Variants in DIP2C observed in about 807,000 individuals in gnomAD.
The protein encoded by DIP2C is DIP2 acetate--CoA ligase C (putative), also known as disco-interacting protein 2 homolog C.
DIP2C carries 33 observed loss-of-function variants against 192.4 expected under a neutral mutation model. The ratio of observed to expected loss-of-function variants is 0.17; its 90% CI spans 0.13 to 0.23. The LOEUF (loss-of-function observed/expected upper bound fraction) is 0.23, where lower values mean the gene tolerates loss of function less well. Among genes scored for constraint, DIP2C ranks in the 10% least tolerant of loss-of-function variants. DIP2C has a pLI of 1.00. For synonymous variants in DIP2C, 979 were observed against 864.1 expected (o/e 1.13, Z -2.33); for missense variants, 1,537 against 2,110.1 (o/e 0.73, Z 5.32).
chr10:292,673 G>T (rs374443396), intron 32 of DIP2C, among the ~76,000 whole-genome samples: 2 of 152,232 alleles, frequency 1.3e-5, no homozygotes, highest in African/African-American at 4.8e-5. Flanking sequence ...TTCTTCATTC[G>T]TGCCTCCTGG....
intron 3 of DIP2C, among the ~76,000 whole-genome samples, chr10:449,920 C>CAACAAAAAAAAAAAAAAAAAAAAA (rs1408389732): frequency 1.5e-5 from 2 of 135,900 alleles, no homozygotes; most frequent in Admixed American, 7.1e-5. Context: ...TCAACAACAA[C>CAACAAAAAAAAAAAAAAAAAAAAA]AAAAAAAAAA....
chr10:543,598 T>G (rs1479588177), intron 1 of DIP2C, among the ~76,000 whole-genome samples: 2 of 152,244 alleles, frequency 1.3e-5, no homozygotes, highest in Non-Finnish European at 2.9e-5. Flanking sequence ...TGGATCGTTG[T>G]GTCTCCTAGG....
intron 31 of DIP2C, among the ~76,000 whole-genome samples, chr10:318,760 T>A (rs1956879858): frequency 6.6e-6 from 1 of 152,100 alleles, no homozygotes; most frequent in South Asian, 2.1e-4. Flanking sequence ...GCTTTCAAAA[T>A]CCCCAACAGC....
chr10:592,681 A>G (rs981576763), intron 1 of DIP2C, among the ~76,000 whole-genome samples: 1 of 152,174 alleles, frequency 6.6e-6, no homozygotes, highest in Non-Finnish European at 1.5e-5. Context: ...TGACAACACT[A>G]TTTTTAATTC....
Position 601,095 on chromosome 10 carries a change from T to C in DIP2C, c.85+88399A>G, listed in dbSNP as rs140898374. Among the ~76,000 whole-genome samples, 358 of 152,286 alleles carry C rather than the reference T, an allele frequency of 2.4e-3. 3 individuals carry two copies. The highest frequency in any genetic ancestry group is 8.1e-3 in the African/African-American group (338 of 41,562). ...AATTTGCCACTTCAGCCTACACTCT[T>C]TACTCCCTTGTTTGGTTAAGAAAAA... is the stretch of plus-strand genomic sequence containing the variant. On this transcript the variant is annotated intron_variant, in intron 1 of 36. Transcript: ENST00000280886.
At position 424,971 on chromosome 10, in the gene DIP2C, A is replaced by G. The variant is rs61837190; in HGVS notation, c.395-1938T>C. 2.8e-3 allele frequency among the ~76,000 whole-genome samples: 402 copies of G among 144,464 alleles called. 2 individuals carry two copies. The highest frequency in any genetic ancestry group is 9.1e-3 in the East Asian group (42 of 4,640). The allele number at this position is 144,464 out of a possible 152,430, so 94.8% of individuals were successfully genotyped here. A position where few individuals can be genotyped will look rare whatever the true frequency, so the allele number is the denominator to read the frequency against. ...ACACAGATGATACAGCATGACCAGC[A>G]GTGACTAATACGACACGGATGATAC... On this transcript the variant is annotated intron_variant, in intron 4 of 36. Transcript: ENST00000280886.
At chr10:369,844 T>G in intron 17 of DIP2C, 4 of 1,320,972 alleles carry the variant, frequency 3.0e-6, no homozygotes, top group East Asian at 2.6e-5. Flanking sequence ...CGCCTCTACA[T>G]TCCCAGGGAA....
At chr10:593,739 G>A (rs886610315) in intron 1 of DIP2C, among the ~76,000 whole-genome samples, 1 of 152,148 alleles carries the variant, frequency 6.6e-6, no homozygotes, top group African/African-American at 2.4e-5. Context: ...AAACCGACAT[G>A]CACTGACCTC....
intron 8 of DIP2C, among the ~76,000 whole-genome samples, chr10:411,954 T>A (rs1589730607): frequency 6.6e-6 from 1 of 152,376 alleles, no homozygotes; most frequent in East Asian, 1.9e-4. Flanking sequence ...CAGCCTGCAA[T>A]TAAAATGGAT....
Position 417,658 on chromosome 10 carries a change from GTTCCTGT to G in DIP2C, c.739+1400_739+1406del, listed in dbSNP as rs1965759753. ...CTCGGATAGGCCTCCCTGTCCACCT[GTTCCTGT>G]CAGGGCTCGGATAGGCCTCCCTGTC... On this transcript the variant is annotated intron_variant, in intron 6 of 36. Coordinates refer to ENST00000280886, the MANE Select transcript of DIP2C (RefSeq NM_014974.3). Among the ~76,000 whole-genome samples the G allele has an allele frequency of 8.1e-3, 106 of 13,062 alleles. 1 individual carries two copies. The highest frequency in any genetic ancestry group is 0.013 in the Admixed American group (13 of 1,032). The allele number at this position is 13,062 out of a possible 152,430, so 8.6% of individuals were successfully genotyped here.
chr10:503,172 A>G (rs1845368880), intron 1 of DIP2C, among the ~76,000 whole-genome samples: 1 of 152,078 alleles, frequency 6.6e-6, no homozygotes, highest in South Asian at 2.1e-4. Context: ...TTCCGCCAGG[A>G]TGCCTACCTG....
Position 418,210 on chromosome 10 carries a change from T to C in DIP2C, c.739+855A>G, listed in dbSNP as rs1276696832. Among the ~76,000 whole-genome samples, 36 of 106,982 alleles carry C rather than the reference T, an allele frequency of 3.4e-4. 7 individuals are homozygous for C. Among genetic ancestry groups the C allele is most frequent in the African/African-American group, 1.5e-3 (33 of 22,462 alleles). The allele number at this position is 106,982 out of a possible 152,430, so 70.2% of individuals were successfully genotyped here. ...CTGTCAGGGCGCGGACAGGCCTCCC[T>C]GTCCACCTGTTCCTGTCAGGGCTTC... On this transcript the variant is annotated intron_variant, in intron 6 of 36. Transcript: ENST00000280886.
intron 36 of DIP2C, among the ~76,000 whole-genome samples, chr10:280,620 A>T (rs946434546): frequency 6.6e-6 from 1 of 152,210 alleles, no homozygotes; most frequent in Middle Eastern, 3.2e-3. Context: ...TTCACAACAG[A>T]TTAAATGGGC....
chr10:507,348 ACC>A (rs1845678535), intron 1 of DIP2C, among the ~76,000 whole-genome samples: 1 of 148,934 alleles, frequency 6.7e-6, no homozygotes, highest in South Asian at 2.1e-4. Context: ...GGACCTGGTC[ACC>A]CGCTGTGTCC....
chr10:576,438 G>GT (rs1396436656), intron 1 of DIP2C, among the ~76,000 whole-genome samples: 1 of 152,234 alleles, frequency 6.6e-6, no homozygotes, highest in Non-Finnish European at 1.5e-5. Flanking sequence ...CACAAGTCCC[G>GT]TATCTAAGCC....
At chr10:562,767 C>G (rs911647970) in intron 1 of DIP2C, among the ~76,000 whole-genome samples, 2 of 152,182 alleles carry the variant, frequency 1.3e-5, no homozygotes, top group African/African-American at 4.8e-5. Context: ...ATGGTCTACT[C>G]TAAAATATTC....
At chr10:300,049 T>G (rs1470514694) in intron 32 of DIP2C, among the ~76,000 whole-genome samples, 10 of 152,200 alleles carry the variant, frequency 6.6e-5, no homozygotes, top group African/African-American at 2.4e-4. Context: ...CAGACCCACG[T>G]GCACTGCTGG....
At chr10:541,590 C>T (rs1156356758) in intron 1 of DIP2C, among the ~76,000 whole-genome samples, 2 of 150,288 alleles carry the variant, frequency 1.3e-5, no homozygotes, top group Admixed American at 1.3e-4. Context: ...CTGGATCCCA[C>T]AGCGTGACCC....
At chr10:606,458 G>A (rs533929071) in intron 1 of DIP2C, among the ~76,000 whole-genome samples, 2 of 150,560 alleles carry the variant, frequency 1.3e-5, no homozygotes, top group African/African-American at 4.9e-5. Context: ...CTCTCGCCCC[G>A]CTGCGGTAAT....
Sources: allele counts gnomAD v4.1 joint callset (sites outside exome capture counted in the v4.1 genomes callset), GRCh38; gene constraint gnomAD v4.1.1; transcripts MANE v1.5; gene names NCBI Gene and HGNC (gene_info 2026-07-23, HGNC 2026-07-21).